The following FAM234A variants were observed in gnomAD, a reference collection of about 807,000 sequenced individuals.
The protein encoded by FAM234A is family with sequence similarity 234 member A, also known as protein FAM234A.
A neutral mutation model predicts 49.1 loss-of-function variants in FAM234A; 42 were observed. The observed-to-expected ratio is 0.86, with a 90% CI of 0.67 to 1.11. FAM234A has a LOEUF of 1.11. Among genes scored for constraint, FAM234A ranks in the 50% least tolerant of loss-of-function variants. FAM234A has a pLI of 0.00. For synonymous variants in FAM234A, 369 were observed against 316.2 expected, an observed-to-expected ratio of 1.17 and a Z score of -1.77; for missense variants, 815 against 745.2, an observed-to-expected ratio of 1.09 and a Z score of -1.09.
rs2051639973 is a variant in FAM234A at position 264,952 on chromosome 16, A to C, written c.1589A>C (p.Glu530Ala). The change falls in exon 13 of 13, where the codon GAG (glutamate) becomes GCG (alanine). Residue 530 changes from glutamate to alanine, a missense_variant. By Grantham distance (107) the Glu-to-Ala change is moderately radical (BLOSUM62 -1). Coordinates refer to ENST00000399932, the MANE Select transcript of FAM234A (RefSeq NM_032039.4). ...VPSSRVVRLG[E>A]GGPDSDQAIR... ...AGCAGCAGGGTGGTCCGCCTGGGTG[A>C]GGGTGGGCCAGACAGTGACCAAGCC... 3 of 1,612,712 alleles carry C rather than the reference A, an allele frequency of 1.9e-6. No individual in the cohort carries two copies. The African/African-American group carries it at 4.0e-5, about 22-fold the overall frequency.
Position 261,442 on chromosome 16 carries a change from T to C in FAM234A, c.636T>C (p.Pro212=). Residue 212 remains proline (P), a synonymous_variant, in exon 6 of 13, where the codon CCT becomes CCC. Transcript: ENST00000399932. ...GCGGGAATGCGTCCATCCTGAGCCC[T>C]CTGCTGCAGGTGCCTGATGTGGACG... The part of the protein sequence containing the change: ...SFSGNASILS[P]LLQVPDVDGD... 6.2e-7 allele frequency: 1 copy of C among 1,613,640 alleles called. No individual in the cohort carries two copies. The highest frequency in any genetic ancestry group is 8.5e-7 in the Non-Finnish European group (1 of 1,179,906).
downstream of FAM234A, chr16:268,314 A>C (rs923134567): frequency 1.2e-5 from 3 of 244,900 alleles, no homozygotes; most frequent in African/African-American, 6.6e-5. Flanking sequence ...GGATGGGCTC[A>C]GAGCCAGGGC....
rs746326190 is a variant in FAM234A, at chr16:259,532, A to T, written c.318A>T (p.Gln106His). The T allele has an allele frequency of 2.5e-6, 4 of 1,613,166 alleles. No individual in the cohort carries two copies. Among genetic ancestry groups the T allele is most frequent in the Non-Finnish European group, 3.4e-6 (4 of 1,179,094 alleles). Residue 106 changes from glutamine to histidine, a missense_variant, in exon 4 of 13, where the codon CAA becomes CAT. Transcript: ENST00000399932. ...ATGATATAAACGGGGACAGGATCCA[A>T]GATGTTCTTTTTCTTTATAAAAACA... Reference protein sequence around the residue: ...AVDDINGDRIQDVLFLYKNTN... With the variant: ...AVDDINGDRIHDVLFLYKNTN...
At chr16:262,732 G>A (rs2051521226) in intron 8 of FAM234A, among the ~76,000 whole-genome samples, 179 bp downstream of exon 8, 1 of 151,996 alleles carries the variant, frequency 6.6e-6, no homozygotes, top group African/African-American at 2.4e-5. Context: ...TAAAAGTTGA[G>A]TAAAGAGAAG....
rs1297553149 is a variant in FAM234A, at chr16:254,524, C to T, written c.111C>T (p.Ser37=). 1.2e-6 allele frequency: 2 copies of T among 1,614,212 alleles called. No individual in the cohort carries two copies. Among genetic ancestry groups the T allele is most frequent in the African/African-American group, 1.3e-5 (1 of 75,060 alleles). ...NPSKNEDNVK[S]APPQSRLSRC... Reference sequence around the variant, plus strand: ...CAAAAAATGAGGATAACGTGAAAAGCGCGCCTCCACAGTCCCGGCTCTCCC... The same window carrying T: ...CAAAAAATGAGGATAACGTGAAAAGTGCGCCTCCACAGTCCCGGCTCTCCC... Residue 37 remains serine (S), a synonymous_variant, in exon 3 of 13, where the codon AGC becomes AGT. Transcript: ENST00000399932.
downstream of FAM234A, chr16:268,237 C>G (rs74003723): frequency 4.8e-6 from 1 of 208,452 alleles, no homozygotes; most frequent in Non-Finnish European, 9.8e-6. Flanking sequence ...GCTACACATG[C>G]CTCATACGCA....
At chr16:268,695 C>CT, downstream of FAM234A, 6 of 1,435,524 alleles carry the variant, frequency 4.2e-6, no homozygotes, top group Non-Finnish European at 4.7e-6. Context: ...ACGCGTTTGG[C>CT]GAGGGAGGAA....
At chr16:234,994 C>G (rs2142155562) in intron 1 of FAM234A, 137 bp downstream of exon 1, 1 of 152,376 alleles carries the variant, frequency 6.6e-6, no homozygotes, top group East Asian at 1.9e-4. Flanking sequence ...CCCCCTAGCT[C>G]CTCCGCCTTC....
intron 1 of FAM234A, among the ~76,000 whole-genome samples, chr16:245,851 C>T (rs764379315): frequency 1.3e-5 from 2 of 152,136 alleles, no homozygotes; most frequent in Non-Finnish European, 2.9e-5. Flanking sequence ...TCAAGACTTT[C>T]CCTAACAATA....
intron 1 of FAM234A, among the ~76,000 whole-genome samples, chr16:237,728 T>C (rs1422561497): frequency 2.0e-5 from 3 of 151,692 alleles, no homozygotes; most frequent in Non-Finnish European, 4.4e-5. Context: ...TTTTTTTTTT[T>C]TGAGACAGAG....
rs1045371166 is a variant in FAM234A, at chr16:264,185, C to T, written c.1344+14C>T. ...ACCAGCGAGACGGTACGGGAGCCAC[C>T]CTCGGAGCAGCCATGCTGGGAGCCG... On this transcript the variant is annotated intron_variant, in intron 11 of 12. Coordinates refer to ENST00000399932, the MANE Select transcript of FAM234A (RefSeq NM_032039.4). 1.3e-6 allele frequency: 2 copies of T among 1,586,600 alleles called. No individual in the cohort carries two copies. The highest frequency in any genetic ancestry group is 8.5e-7 in the Non-Finnish European group (1 of 1,172,054).
chr16:251,104 C>G (rs762286302), intron 2 of FAM234A, among the ~76,000 whole-genome samples: 6 of 152,142 alleles, frequency 3.9e-5, no homozygotes. Flanking sequence ...TTACAAGCGC[C>G]TGCCACCATG....
chr16:252,901 C>G (rs1025728702), intron 2 of FAM234A, among the ~76,000 whole-genome samples: 1 of 152,162 alleles, frequency 6.6e-6, no homozygotes, highest in African/African-American at 2.4e-5. Flanking sequence ...TTTCACCCCT[C>G]CCTTTGCTGT....
rs1017446852 is a variant in FAM234A at position 262,635 on chromosome 16, G to C, written c.971+82G>C. 1.8e-5 allele frequency: 26 copies of C among 1,427,420 alleles called. No homozygotes were observed. The East Asian group carries it at 3.2e-4, about 18-fold the overall frequency. The allele number at this position is 1,427,420 out of a possible 1,614,324, so 88.4% of individuals were successfully genotyped here. On this transcript the variant is annotated intron_variant, in intron 8 of 12. Coordinates refer to ENST00000399932, the MANE Select transcript of FAM234A (RefSeq NM_032039.4). ...GCCTGCCTCAGCGTTCGGACAATCT[G>C]TGTGGAGCCCAGAGCAGCCCCACCG...
Position 265,018 on chromosome 16 carries a change from C to G in FAM234A, c.1655C>G (p.Ala552Gly). The change falls in exon 13 of 13, where the codon GCG (alanine) becomes GGG (glycine). Residue 552 changes from alanine (A) to glycine (G), a missense_variant. Coordinates refer to ENST00000399932, the MANE Select transcript of FAM234A (RefSeq NM_032039.4). ...RFSRLRYQSE[A>G] ...TCCCGGCTGCGGTACCAGAGTGAGG[C>G]GTAGAGGCACGCCAGCCAGAGCCTG... 2 of 1,598,524 alleles carry G rather than the reference C, an allele frequency of 1.3e-6. No individual in the cohort carries two copies. Among genetic ancestry groups the G allele is most frequent in the Non-Finnish European group, 1.7e-6 (2 of 1,170,450 alleles).
downstream of FAM234A, chr16:269,282 T>G: frequency 6.4e-7 from 1 of 1,572,152 alleles, no homozygotes; most frequent in Non-Finnish European, 8.6e-7. Flanking sequence ...GGCCACCCCA[T>G]CTCCACCCCC....
At chr16:267,641 C>T (rs1447741054), downstream of FAM234A, among the ~76,000 whole-genome samples, 5 of 114,400 alleles carry the variant, frequency 4.4e-5, no homozygotes, top group South Asian at 2.5e-4. Context: ...ATGCCTCATA[C>T]GACACGTGCA....
intron 4 of FAM234A, 46 bp downstream of exon 4, chr16:259,645 G>A (rs1414826713): frequency 1.6e-6 from 2 of 1,232,728 alleles, no homozygotes; most frequent in South Asian, 2.4e-5. Flanking sequence ...TGTAGAAAGA[G>A]GAATCGTCAT....
Position 250,277 on chromosome 16 carries a change from T to C in FAM234A, c.-34+623T>C, listed in dbSNP as rs60351497. Among the ~76,000 whole-genome samples the C allele has an allele frequency of 5.1e-3, 779 of 152,308 alleles. 40 individuals are homozygous for C. The East Asian group carries it at 0.11, about 22-fold the overall frequency. On this transcript the variant is annotated intron_variant, in intron 2 of 12. Coordinates refer to ENST00000399932, the MANE Select transcript of FAM234A (RefSeq NM_032039.4). ...TTCACACATCCCTTCCTTGGGGACA[T>C]GGTGGCTAGATTTGCTGAATTAATG...
Sources: gnomAD v4.1 joint callset for allele counts (sites outside exome capture counted in the v4.1 genomes callset) on GRCh38, gnomAD v4.1.1 for gene constraint, MANE v1.5 for transcripts, NCBI Gene and HGNC (gene_info 2026-07-23, HGNC 2026-07-21) for gene names.